Variants in DDX31 observed in about 807,000 individuals in gnomAD.
DDX31 encodes ATP-dependent DNA helicase DDX31.
DDX31 carries 70 observed loss-of-function variants against 91.3 expected under a neutral mutation model. The observed-to-expected ratio is 0.77, with a 90% confidence interval of 0.63 to 0.94. DDX31 has a LOEUF of 0.94. Ranked by LOEUF, DDX31 falls within the 40% of genes least tolerant of loss-of-function variation. DDX31 has a pLI of 0.00. For synonymous variants in DDX31, 362 were observed against 350.6 expected (o/e 1.03, Z -0.36); for missense variants, 902 against 925.0 (o/e 0.98, Z 0.32).
At chr9:132,669,507 AG>A (rs1162731148) in intron 1 of DDX31, 1 of 1,257,816 alleles carries the variant, frequency 8.0e-7, no homozygotes, top group Non-Finnish European at 1.1e-6. Flanking sequence ...CACTCAGTCG[AG>A]GAAACTGGCT....
intron 17 of DDX31, among the ~76,000 whole-genome samples, chr9:132,621,824 A>C (rs1220941664): frequency 6.6e-6 from 1 of 152,244 alleles, no homozygotes; most frequent in Non-Finnish European, 1.5e-5. Flanking sequence ...TGTGATAATT[A>C]GTAACACAGT....
At chr9:132,652,919 A>G (rs1055830699) in intron 6 of DDX31, among the ~76,000 whole-genome samples, 22 of 152,276 alleles carry the variant, frequency 1.4e-4, no homozygotes, top group Non-Finnish European at 3.2e-4. Flanking sequence ...CTGTAAGTCA[A>G]ATTAAACCTC....
intron 3 of DDX31, among the ~76,000 whole-genome samples, chr9:132,661,509 G>A (rs1834947107): frequency 6.6e-6 from 1 of 152,080 alleles, no homozygotes; most frequent in Admixed American, 6.5e-5. Context: ...GTGGGTAGAG[G>A]CCTGGGATGC....
chr9:132,661,987 T>C (rs1834983871), intron 3 of DDX31, among the ~76,000 whole-genome samples: 1 of 151,952 alleles, frequency 6.6e-6, no homozygotes, highest in Non-Finnish European at 1.5e-5. Flanking sequence ...ATCACGTTAG[T>C]CGAGGAAAGT....
chr9:132,666,314 T>C (rs4962205), intron 1 of DDX31, among the ~76,000 whole-genome samples: 42,353 of 151,422 alleles, frequency 0.28, 6,381 homozygotes, highest in Middle Eastern at 0.39. Context: ...TCTGAAGAAA[T>C]AGAGCTTCAT....
intron 6 of DDX31, among the ~76,000 whole-genome samples, chr9:132,657,746 T>A (rs746281027): frequency 1.3e-5 from 2 of 152,198 alleles, no homozygotes; most frequent in Non-Finnish European, 2.9e-5. Context: ...ATAACGAGGC[T>A]GTATTTGTAG....
At chr9:132,662,198 G>T in intron 3 of DDX31, 63 bp downstream of exon 3, 1 of 1,552,294 alleles carries the variant, frequency 6.4e-7, no homozygotes, top group Non-Finnish European at 8.8e-7. Flanking sequence ...CCATTTCACA[G>T]ACCTTCTGAA....
chr9:132,641,079 A>G (rs1363257310), intron 14 of DDX31, among the ~76,000 whole-genome samples: 1 of 152,226 alleles, frequency 6.6e-6, no homozygotes, highest in Admixed American at 6.5e-5. Flanking sequence ...CTTGCAGATA[A>G]GCACACATAT....
chr9:132,615,317 C>A (rs1423922180), intron 18 of DDX31, among the ~76,000 whole-genome samples: 1 of 151,790 alleles, frequency 6.6e-6, no homozygotes, highest in African/African-American at 2.4e-5. Context: ...AACCTCCAGC[C>A]TGGAAGGTGA....
intron 19 of DDX31, among the ~76,000 whole-genome samples, chr9:132,603,609 A>T (rs1430978462): frequency 1.3e-5 from 2 of 152,220 alleles, no homozygotes; most frequent in Non-Finnish European, 2.9e-5. Context: ...CTGAGCAAGG[A>T]CGAGCTAATG....
At chr9:132,626,656 T>C (rs1287372503) in intron 16 of DDX31, among the ~76,000 whole-genome samples, 2 of 149,394 alleles carry the variant, frequency 1.3e-5, no homozygotes, top group African/African-American at 2.5e-5. Context: ...TTTTTGAAAA[T>C]GTAACAGCAA....
intron 19 of DDX31, among the ~76,000 whole-genome samples, chr9:132,607,274 C>G (rs1589972283): frequency 6.6e-6 from 1 of 152,184 alleles, no homozygotes; most frequent in Non-Finnish European, 1.5e-5. Context: ...GGTAAGAGAG[C>G]CCCAGCTTAG....
intron 17 of DDX31, among the ~76,000 whole-genome samples, chr9:132,625,364 G>A (rs1457418141): frequency 4.6e-5 from 7 of 152,118 alleles, no homozygotes; most frequent in African/African-American, 4.8e-5. Flanking sequence ...GGGGCTGAGC[G>A]TGTGGCACTG....
Position 132,640,902 on chromosome 9 carries a change from C to T in DDX31, c.1440+1102G>A, listed in dbSNP as rs141671713. 8.8e-3 allele frequency among the ~76,000 whole-genome samples: 1,340 copies of T among 152,246 alleles called. 18 individuals carry two copies. The highest frequency in any genetic ancestry group is 0.031 in the African/African-American group (1,300 of 41,518). On this transcript the variant is annotated intron_variant, in intron 14 of 19. Coordinates refer to ENST00000372159, the MANE Select transcript of DDX31 (RefSeq NM_022779.9). ...TTAGAACAAGCTCGAGCATCTGACT[C>T]GTGGATGGGCCTCATAAAGGGAAGG...
At chr9:132,663,360 A>G in intron 1 of DDX31, 2 of 1,277,068 alleles carry the variant, frequency 1.6e-6, no homozygotes, top group South Asian at 2.5e-5. Context: ...CTCTACCACA[A>G]TTACTTCCTA....
At chr9:132,646,164 C>G (rs933751322) in intron 12 of DDX31, 93 bp from the exon 13 acceptor site, 10 of 1,304,406 alleles carry the variant, frequency 7.7e-6, no homozygotes, top group Non-Finnish European at 1.0e-5. Context: ...TCATGCTGAC[C>G]CCCATTTGGA....
Position 132,652,482 on chromosome 9 carries a change from C to T in DDX31, c.599G>A (p.Gly200Asp), listed in dbSNP as rs1479960127. 1 of 1,613,970 alleles carries T rather than the reference C, an allele frequency of 6.2e-7. No homozygotes were observed. The highest frequency in any genetic ancestry group is 1.3e-5 in the African/African-American group (1 of 74,908). The change falls in exon 7 of 20, where the codon GGC (glycine) becomes GAC (aspartate). Residue 200 changes from glycine (G) to aspartate (D), a missense_variant. Gly to Asp is a moderately conservative substitution (Grantham distance 94). Transcript: ENST00000372159. The stretch of plus-strand genomic sequence containing the variant: ...TGGCACGAGCACCAGGGCATAGGGG[C>T]CATCACTGCGCTGTTGACACACAGA... ...AMESKIQRSD[G>D]PYALVLVPTR... is the part of the protein sequence containing the mutation.
Position 132,595,029 on chromosome 9 carries a change from T to A in DDX31, c.2078A>T (p.Asp693Val). Residue 693 changes from aspartate (D) to valine (V), a missense_variant, in exon 20 of 20, where the codon GAC (aspartate) becomes GTC (valine). Coordinates refer to ENST00000372159, the MANE Select transcript of DDX31 (RefSeq NM_022779.9). This position sits in a 1 kb window ranked among gnomAD's most constrained non-coding sequence, Gnocchi z 4.6. ...RSEYSSGMEA[D>V]IAKVKKQNAP... ...GTTTTGCTTTTTGACCTTGGCGATG[T>A]CGGCCTCCATGCCGCTTGAGTATTC... is the stretch of plus-strand genomic sequence containing the variant. 2 of 1,614,216 alleles carry A rather than the reference T, an allele frequency of 1.2e-6. No individual in the cohort carries two copies. Among genetic ancestry groups the A allele is most frequent in the Non-Finnish European group, 1.7e-6 (2 of 1,180,036 alleles).
intron 1 of DDX31, among the ~76,000 whole-genome samples, chr9:132,665,004 C>T (rs1835219421): frequency 6.6e-6 from 1 of 152,174 alleles, no homozygotes; most frequent in Non-Finnish European, 1.5e-5. Flanking sequence ...AGCCAAGGTG[C>T]TCTGTTCTTG....
Sources: gnomAD v4.1 joint callset for allele counts (sites outside exome capture counted in the v4.1 genomes callset) on GRCh38, gnomAD v4.1.1 for gene constraint, Gnocchi (gnomAD v3.1) non-coding constraint, MANE v1.5 for transcripts, NCBI Gene and HGNC (gene_info 2026-07-23, HGNC 2026-07-21) for gene names.